The following PCDHGA6 variants were observed in gnomAD, a reference collection of about 807,000 sequenced individuals.
PCDHGA6 encodes protocadherin gamma subfamily A, 6.
PCDHGA6 carries 41 observed loss-of-function variants against 60.6 expected under a neutral mutation model. The observed-to-expected ratio is 0.68, with a 90% CI of 0.53 to 0.88. The LOEUF is 0.88. PCDHGA6 is among the 40% of genes least tolerant of loss of function. PCDHGA6 has a pLI of 0.00. For missense variants in PCDHGA6, 1,312 were observed against 1,203.0 expected (o/e 1.09, Z -1.34); for synonymous variants, 594 against 524.4 (o/e 1.13, Z -1.81).
chr5:141,395,022 G>T, intron 1 of PCDHGA6: 1 of 1,614,128 alleles, frequency 6.2e-7, no homozygotes, highest in Non-Finnish European at 8.5e-7. Context: ...AGGCGTGCCT[G>T]CCTCACATTT....
At position 141,490,118 on chromosome 5, in the gene PCDHGA6, T is replaced by G. The variant is rs1448768968; in HGVS notation, c.2425-4689T>G. The G allele has an allele frequency of 6.2e-7, 1 of 1,614,158 alleles. No individual in the cohort carries two copies. Among genetic ancestry groups the G allele is most frequent in the Non-Finnish European group, 8.5e-7 (1 of 1,180,048 alleles). On this transcript the variant is annotated intron_variant, in intron 1 of 3. Transcript: ENST00000517434. This position sits in a 1 kb window ranked among gnomAD's most constrained non-coding sequence, Gnocchi z 5.4. ...ACATCTGAGGCAGTGCGGAACCTCT[T>G]TGGCCTAGACCCTAGCAGTGGGGCA...
chr5:141,388,225 T>C, intron 1 of PCDHGA6: 1 of 1,604,858 alleles, frequency 6.2e-7, no homozygotes, highest in Non-Finnish European at 8.5e-7. Flanking sequence ...GAAAATCCAC[T>C]GAACTTTTAT....
In PCDHGA6 at chr5:141,489,662, G is replaced by C; in HGVS notation, c.2425-5145G>C. 8.1e-6 allele frequency: 13 copies of C among 1,614,144 alleles called. No individual in the cohort carries two copies. The highest frequency in any genetic ancestry group is 1.1e-5 in the Non-Finnish European group (13 of 1,180,010). On this transcript the variant is annotated intron_variant, in intron 1 of 3. Coordinates refer to ENST00000517434, the MANE Select transcript of PCDHGA6 (RefSeq NM_018919.3). This position sits in a 1 kb window ranked among gnomAD's most constrained non-coding sequence, Gnocchi z 4.5. The stretch of plus-strand genomic sequence containing the variant: ...TTTGCCACCCCTGAGCGAGAGATGC[G>C]CATCTCAGAATCAGCAGCATCTGGG...
At chr5:141,507,447 G>A (rs998019159) in intron 3 of PCDHGA6, among the ~76,000 whole-genome samples, 1 of 152,226 alleles carries the variant, frequency 6.6e-6, no homozygotes, top group Non-Finnish European at 1.5e-5. Flanking sequence ...GCTGACGGAA[G>A]GACAGAGAGA....
intron 2 of PCDHGA6, among the ~76,000 whole-genome samples, chr5:141,499,209 C>G (rs1171702973): frequency 6.6e-6 from 1 of 152,096 alleles, no homozygotes; most frequent in Admixed American, 6.5e-5. Context: ...GGCTGTAACC[C>G]AGGCCCTGCC....
At chr5:141,453,482 A>T (rs979979155) in intron 1 of PCDHGA6, among the ~76,000 whole-genome samples, 1 of 151,990 alleles carries the variant, frequency 6.6e-6, no homozygotes, top group Non-Finnish European at 1.5e-5. Context: ...CAAAACTATT[A>T]AAAAAAGGTG....
chr5:141,391,186 A>G (rs772016494), intron 1 of PCDHGA6: 1 of 152,220 alleles, frequency 6.6e-6, no homozygotes, highest in Non-Finnish European at 1.5e-5. Flanking sequence ...TGGTGTGCAT[A>G]CAAAATATAT....
intron 1 of PCDHGA6, chr5:141,402,950 G>A (rs992704558): frequency 2.5e-6 from 4 of 1,596,662 alleles, no homozygotes; most frequent in Non-Finnish European, 3.4e-6. Flanking sequence ...AAGCGAGGCA[G>A]CAATGGCAGC....
Position 141,375,817 on chromosome 5 carries a change from G to A in PCDHGA6, c.1734G>A (p.Ala578=), listed in dbSNP as rs376557886. 3.7e-6 allele frequency: 6 copies of A among 1,614,046 alleles called. No individual in the cohort carries two copies. The highest frequency in any genetic ancestry group is 4.2e-6 in the Non-Finnish European group (5 of 1,180,052). ...ACGGTTCCACTGGCGTGGAGCTGGC[G>A]CCCCGCTCCGCAGAGCCCGGCTACC... ...PTDGSTGVEL[A]PRSAEPGYLV... The change falls in exon 1 of 4, where the codon GCG becomes GCA. Residue 578 remains alanine (A), a synonymous_variant. Coordinates refer to ENST00000517434, the MANE Select transcript of PCDHGA6 (RefSeq NM_018919.3).
rs1157645386 is a variant in PCDHGA6 at position 141,477,622 on chromosome 5, A to C, written c.2425-17185A>C. On this transcript the variant is annotated intron_variant, in intron 1 of 3. Coordinates refer to ENST00000517434, the MANE Select transcript of PCDHGA6 (RefSeq NM_018919.3). This position sits in a 1 kb window ranked among gnomAD's most constrained non-coding sequence, Gnocchi z 4.9. ...TCTTTCTCTTGGAGCAAGGAGCTGA[A>C]ACCGGGCTAGTGGGTCGCTATTTCA... 1 of 1,614,108 alleles carries C rather than the reference A, an allele frequency of 6.2e-7. No homozygotes were observed. The highest frequency in any genetic ancestry group is 2.2e-5 in the East Asian group (1 of 44,904).
intron 1 of PCDHGA6, chr5:141,441,731 C>G: frequency 2.8e-6 from 1 of 362,226 alleles, no homozygotes; most frequent in South Asian, 2.2e-5. Context: ...GCGACCAGGA[C>G]TAGCTCGCGC....
chr5:141,378,051 T>C (rs539609296), intron 1 of PCDHGA6: 1 of 152,310 alleles, frequency 6.6e-6, no homozygotes, highest in East Asian at 1.9e-4. Flanking sequence ...TCCTTATCTA[T>C]CTGACTCAAA....
Position 141,486,278 on chromosome 5 carries a change from G to C in PCDHGA6, c.2425-8529G>C, listed in dbSNP as rs774763063. On this transcript the variant is annotated intron_variant, in intron 1 of 3. Coordinates refer to ENST00000517434, the MANE Select transcript of PCDHGA6 (RefSeq NM_018919.3). The surrounding 1 kb of genome is among the most constrained non-coding windows in gnomAD (Gnocchi z 5.0). ...CGAGAGTGCAGAACCTGGCACTGTG[G>C]TGGCACTTATCAGTGTGCAGGATCC... is the stretch of plus-strand genomic sequence containing the variant. 4 of 1,613,970 alleles carry C rather than the reference G, an allele frequency of 2.5e-6. No individual in the cohort carries two copies. In the South Asian group the frequency reaches 4.4e-5, roughly 18 times the overall value.
chr5:141,402,610 G>A (rs900326336), intron 1 of PCDHGA6, among the ~76,000 whole-genome samples: 1 of 152,168 alleles, frequency 6.6e-6, no homozygotes, highest in Admixed American at 6.5e-5. Context: ...AAATACAAAT[G>A]CAAGAAACAA....
At chr5:141,497,595 A>C (rs973413640) in intron 2 of PCDHGA6, among the ~76,000 whole-genome samples, 1 of 147,414 alleles carries the variant, frequency 6.8e-6, no homozygotes, top group East Asian at 2.0e-4. Context: ...GCTGGAGTGC[A>C]GTGGTGCGAT....
At chr5:141,399,959 G>A (rs1257286209) in intron 1 of PCDHGA6, 4 of 1,612,230 alleles carry the variant, frequency 2.5e-6, no homozygotes, top group South Asian at 1.1e-5. Flanking sequence ...AGCGAGCCCG[G>A]GCTCTTCAGC....
At position 141,486,579 on chromosome 5, in the gene PCDHGA6, G is replaced by A. The variant is rs747583158; in HGVS notation, c.2425-8228G>A. On this transcript the variant is annotated intron_variant, in intron 1 of 3. Coordinates refer to ENST00000517434, the MANE Select transcript of PCDHGA6 (RefSeq NM_018919.3). The surrounding 1 kb of genome is among the most constrained non-coding windows in gnomAD (Gnocchi z 5.0). ...GAGGTGTTTGTTCCTGAGAACAATC[G>A]CCCAGGGGACCTGCTTTGCTCCCTT... is the stretch of plus-strand genomic sequence containing the variant. The A allele has an allele frequency of 5.1e-5, 82 of 1,613,426 alleles. No homozygotes were observed. Among genetic ancestry groups the A allele is most frequent in the South Asian group, 2.2e-4 (20 of 91,084 alleles).
Position 141,431,614 on chromosome 5 carries a change from C to G in PCDHGA6, c.2424+55107C>G. ...TGAGGTATTCCTTCCGGTATGTGGACGACAAGGCGGCCCAAGTTTTCAAAC... is the reference window on the plus strand; with the variant it reads ...TGAGGTATTCCTTCCGGTATGTGGAGGACAAGGCGGCCCAAGTTTTCAAAC... On this transcript the variant is annotated intron_variant, in intron 1 of 3. Coordinates refer to ENST00000517434, the MANE Select transcript of PCDHGA6 (RefSeq NM_018919.3). This position sits in a 1 kb window ranked among gnomAD's most constrained non-coding sequence, Gnocchi z 4.8. 6.2e-7 allele frequency: 1 copy of G among 1,614,206 alleles called. No homozygotes were observed. The highest frequency in any genetic ancestry group is 1.1e-5 in the South Asian group (1 of 91,092).
At position 141,433,358 on chromosome 5, in the gene PCDHGA6, C is replaced by CTATCTAT. The variant is rs2097585632; in HGVS notation, c.2424+56851_2424+56852insTATCTAT. ...ACAGGTGCAAGCCACCTACTGTCTG[C>CTATCTAT]CTATCTATCTATCTATCTATCTATC... On this transcript the variant is annotated intron_variant, in intron 1 of 3. Coordinates refer to ENST00000517434, the MANE Select transcript of PCDHGA6 (RefSeq NM_018919.3). 11 of 503,932 alleles carry CTATCTAT rather than the reference C, an allele frequency of 2.2e-5. No individual in the cohort carries two copies. The African/African-American group carries it at 2.3e-4, about 10-fold the overall frequency. The allele number at this position is 503,932 out of a possible 1,614,324, so 31.2% of individuals were successfully genotyped here.
Sources: gnomAD v4.1 joint callset for allele counts (sites outside exome capture counted in the v4.1 genomes callset) on GRCh38, gnomAD v4.1.1 for gene constraint, Gnocchi (gnomAD v3.1) non-coding constraint, MANE v1.5 for transcripts, NCBI Gene and HGNC (gene_info 2026-07-23, HGNC 2026-07-21) for gene names.